The following B3GALT1 variants were observed in gnomAD, a reference collection of about 807,000 sequenced individuals.
B3GALT1 encodes beta-1,3-galactosyltransferase 1.
Under a neutral mutation model 23.2 loss-of-function variants are expected in B3GALT1, and 10 were observed. That is an observed-to-expected ratio of 0.43 (90% CI 0.27 to 0.73). The LOEUF is 0.73. Among genes scored for constraint, B3GALT1 ranks in the 30% least tolerant of loss-of-function variants. The pLI, the probability that B3GALT1 is intolerant of heterozygous loss-of-function variation, is 0.21. For missense variants in B3GALT1, 299 were observed against 405.4 expected, an observed-to-expected ratio of 0.74 and a Z score of 2.25; for synonymous variants, 156 against 141.5, an observed-to-expected ratio of 1.10 and a Z score of -0.73.
chr2:167,679,769 C>T (rs559588073), intron 3 of B3GALT1, among the ~76,000 whole-genome samples: 1 of 152,350 alleles, frequency 6.6e-6, no homozygotes, highest in African/African-American at 2.4e-5. Context: ...GTCTCTACCT[C>T]AGCATCTTCA....
chr2:167,457,514 T>G (rs938311502), intron 1 of B3GALT1, among the ~76,000 whole-genome samples: 2 of 151,862 alleles, frequency 1.3e-5, no homozygotes, highest in Non-Finnish European at 1.5e-5. Flanking sequence ...ACTCCTTGTT[T>G]TATATTTACA....
intron 2 of B3GALT1, among the ~76,000 whole-genome samples, chr2:167,604,560 G>A (rs1263071173): frequency 6.6e-6 from 1 of 152,068 alleles, no homozygotes; most frequent in Admixed American, 6.6e-5. Context: ...TACCACACTG[G>A]GTGTAGCAAC....
chr2:167,759,745 C>T (rs952901426), intron 3 of B3GALT1, among the ~76,000 whole-genome samples: 1 of 151,952 alleles, frequency 6.6e-6, no homozygotes, highest in Non-Finnish European at 1.5e-5. Flanking sequence ...GGCAACTCTG[C>T]GGGGAAAAAC....
chr2:167,608,489 C>G (rs1267599983), intron 2 of B3GALT1, among the ~76,000 whole-genome samples: 1 of 151,982 alleles, frequency 6.6e-6, no homozygotes, highest in Non-Finnish European at 1.5e-5. Context: ...TGTTTTGATA[C>G]CTCACATGTC....
chr2:167,742,959 A>C (rs777705112), intron 3 of B3GALT1, among the ~76,000 whole-genome samples: 1 of 152,146 alleles, frequency 6.6e-6, no homozygotes, highest in Non-Finnish European at 1.5e-5. Flanking sequence ...CATGTATATC[A>C]TAAACAATAT....
At chr2:167,518,216 T>G (rs1664011755) in intron 2 of B3GALT1, among the ~76,000 whole-genome samples, 1 of 152,138 alleles carries the variant, frequency 6.6e-6, no homozygotes, top group Admixed American at 6.6e-5. Context: ...AAACCTGCAA[T>G]TGTAATCTCA....
chr2:167,339,745 T>C (rs1196935805), intron 1 of B3GALT1, among the ~76,000 whole-genome samples: 1 of 152,064 alleles, frequency 6.6e-6, no homozygotes, highest in Non-Finnish European at 1.5e-5. Context: ...TAGTTCACAG[T>C]AGGGTAAGCC....
At chr2:167,629,883 C>T (rs1685408993) in intron 2 of B3GALT1, among the ~76,000 whole-genome samples, 1 of 151,688 alleles carries the variant, frequency 6.6e-6, no homozygotes, top group Admixed American at 6.6e-5. Context: ...GTGCTTTTTG[C>T]ATTTGAAAAT....
intron 2 of B3GALT1, among the ~76,000 whole-genome samples, chr2:167,619,456 A>T (rs1469905879): frequency 6.6e-6 from 1 of 152,042 alleles, no homozygotes; most frequent in East Asian, 1.9e-4. Context: ...CATTCATTTG[A>T]CATCCAGTGG....
At chr2:167,456,625 C>G (rs1435072133) in intron 1 of B3GALT1, among the ~76,000 whole-genome samples, 1 of 152,168 alleles carries the variant, frequency 6.6e-6, no homozygotes, top group East Asian at 1.9e-4. Context: ...CAAGGGTTCC[C>G]TCGAATCCCC....
intron 1 of B3GALT1, among the ~76,000 whole-genome samples, chr2:167,437,405 G>A (rs954625503): frequency 1.3e-5 from 2 of 152,222 alleles, no homozygotes; most frequent in Non-Finnish European, 2.9e-5. Context: ...TGTTCTGCTA[G>A]AAGCAGCAGG....
chr2:167,481,106 G>C (rs1456160764), intron 1 of B3GALT1, among the ~76,000 whole-genome samples: 1 of 152,108 alleles, frequency 6.6e-6, no homozygotes, highest in East Asian at 1.9e-4. Flanking sequence ...TGTCTGCACT[G>C]TTGACTTACA....
intron 1 of B3GALT1, among the ~76,000 whole-genome samples, chr2:167,483,942 C>G (rs1344614185): frequency 6.6e-6 from 1 of 152,176 alleles, no homozygotes; most frequent in African/African-American, 2.4e-5. Context: ...CCCTCTGTCT[C>G]TATTGCACAC....
intron 4 of B3GALT1, among the ~76,000 whole-genome samples, chr2:167,846,585 A>G (rs1227452667): frequency 2.6e-5 from 4 of 152,244 alleles, no homozygotes; most frequent in Non-Finnish European, 5.9e-5. Context: ...CACTACCAGA[A>G]CTGCTAAAAG....
At chr2:167,430,852 A>C (rs1698695905) in intron 1 of B3GALT1, among the ~76,000 whole-genome samples, 1 of 152,232 alleles carries the variant, frequency 6.6e-6, no homozygotes, top group Non-Finnish European at 1.5e-5. Context: ...TATGATCCAG[A>C]GAAAACACTT....
At chr2:167,796,321 T>C (rs1363368137) in intron 3 of B3GALT1, among the ~76,000 whole-genome samples, 1 of 152,240 alleles carries the variant, frequency 6.6e-6, no homozygotes, top group Non-Finnish European at 1.5e-5. Context: ...TTCACTTTTT[T>C]ATGTGCCTTA....
At chr2:167,664,236 TG>T (rs1373119257) in intron 3 of B3GALT1, among the ~76,000 whole-genome samples, 8 of 151,112 alleles carry the variant, frequency 5.3e-5, no homozygotes, top group Non-Finnish European at 8.8e-5. Context: ...CCCCATTGCT[TG>T]TTTTTCTCAG....
chr2:167,421,707 A>G (rs185777537), intron 1 of B3GALT1, among the ~76,000 whole-genome samples: 79 of 152,314 alleles, frequency 5.2e-4, no homozygotes, highest in African/African-American at 1.8e-3. Flanking sequence ...AAAGGGAGGT[A>G]CTAAATTGCA....
At chr2:167,590,445 G>T (rs972479658) in intron 2 of B3GALT1, among the ~76,000 whole-genome samples, 1 of 151,396 alleles carries the variant, frequency 6.6e-6, no homozygotes, top group Admixed American at 6.6e-5. Flanking sequence ...ACCATGGCAC[G>T]TTTATCTATG....
Sources: gnomAD v4.1 joint callset for allele counts (sites outside exome capture counted in the v4.1 genomes callset) on GRCh38, gnomAD v4.1.1 for gene constraint, MANE v1.5 for transcripts, NCBI Gene and HGNC (gene_info 2026-07-23, HGNC 2026-07-21) for gene names.